Variants in NBAS observed in about 807,000 individuals in gnomAD.
NBAS encodes the protein NBAS subunit of NRZ tethering complex.
In NBAS, 219 loss-of-function variants were observed where a neutral mutation model predicts 302.5. The ratio of observed to expected loss-of-function variants is 0.72; its 90% confidence interval spans 0.65 to 0.81. NBAS has a LOEUF of 0.81. Among genes scored for constraint, NBAS ranks in the 30% least tolerant of loss-of-function variants. The probability of loss-of-function intolerance (pLI) is 0.00; values close to 1 mark genes in which losing one functional copy is unlikely to be tolerated. For synonymous variants in NBAS, 1,118 were observed against 1,021.6 expected (o/e 1.09, Z -1.80); for missense variants, 2,932 against 2,841.6 (o/e 1.03, Z -0.72).
chr2:14,826,707 T>C, the NBAS span, among the ~76,000 whole-genome samples: 2 of 152,196 alleles, frequency 1.3e-5, no homozygotes, highest in East Asian at 3.9e-4. Flanking sequence ...CACATCATGC[T>C]CCTGTAGGGC....
chr2:15,220,787 AAATCAC>A (rs1666917172), intron 47 of NBAS, among the ~76,000 whole-genome samples: 1 of 152,050 alleles, frequency 6.6e-6, no homozygotes, highest in Non-Finnish European at 1.5e-5. Context: ...TTTTAGCTAT[AAATCAC>A]CTAGGCTGAA....
At chr2:15,173,720 C>G (rs980322784) in intron 51 of NBAS, among the ~76,000 whole-genome samples, 1 of 152,144 alleles carries the variant, frequency 6.6e-6, no homozygotes, top group East Asian at 1.9e-4. Context: ...CACAACGAGA[C>G]GGAGACAATC....
the NBAS span, among the ~76,000 whole-genome samples, chr2:15,055,974 G>A: frequency 8.8e-4 from 134 of 151,978 alleles, 1 homozygote; most frequent in Non-Finnish European, 1.6e-3. Context: ...CCTTTTACTT[G>A]TATTTAATTT....
chr2:14,838,649 T>C, the NBAS span, among the ~76,000 whole-genome samples: 1 of 151,976 alleles, frequency 6.6e-6, no homozygotes, highest in African/African-American at 2.4e-5. Flanking sequence ...TGAACAGATG[T>C]TTACAGAAAT....
intron 48 of NBAS, among the ~76,000 whole-genome samples, chr2:15,215,471 A>G (rs1167030933): frequency 5.3e-5 from 8 of 152,236 alleles, no homozygotes; most frequent in Admixed American, 3.3e-4. Flanking sequence ...GTTGGCAGCC[A>G]CAGTGAAAGT....
intron 31 of NBAS, among the ~76,000 whole-genome samples, chr2:15,374,060 T>A (rs190752203): frequency 7.2e-4 from 110 of 152,340 alleles, no homozygotes; most frequent in Non-Finnish European, 1.3e-3. Context: ...TTTGGGATGA[T>A]ACCAAGTTGA....
intron 40 of NBAS, among the ~76,000 whole-genome samples, chr2:15,297,728 A>T (rs1670614247): frequency 6.6e-6 from 1 of 152,228 alleles, no homozygotes; most frequent in African/African-American, 2.4e-5. Context: ...CGAGTGAACT[A>T]ATACACTTGC....
rs374071497 is a variant in NBAS at position 15,310,778 on chromosome 2, A to G, written c.4583-1531T>C. Among the ~76,000 whole-genome samples the G allele has an allele frequency of 2.0e-5, 3 of 152,216 alleles. No individual in the cohort carries two copies. The South Asian group carries it at 6.2e-4, about 32-fold the overall frequency. ...CTCTAAACCACCAGGATGCTTCCCC[A>G]CCTGGGTGTGTCCTGCCTTCCATTT... On this transcript the variant is annotated intron_variant, in intron 38 of 51. Coordinates refer to ENST00000281513, the MANE Select transcript of NBAS (RefSeq NM_015909.4).
At chr2:14,843,100 T>G in the NBAS span, among the ~76,000 whole-genome samples, 1 of 152,158 alleles carries the variant, frequency 6.6e-6, no homozygotes, top group Non-Finnish European at 1.5e-5. Context: ...GAAAAAAGCA[T>G]TTAATAAAAT....
chr2:14,863,645 G>T, the NBAS span, among the ~76,000 whole-genome samples: 1 of 152,332 alleles, frequency 6.6e-6, no homozygotes, highest in East Asian at 1.9e-4. Flanking sequence ...ATACATGCAG[G>T]TCACAGGGGT....
chr2:15,203,925 T>TGTGA (rs1418178192), intron 48 of NBAS, among the ~76,000 whole-genome samples: 2 of 148,722 alleles, frequency 1.3e-5, no homozygotes, highest in Non-Finnish European at 3.0e-5. Flanking sequence ...TGTGTGTGTG[T>TGTGA]GAGTGGGGAG....
At chr2:15,298,466 T>C (rs982881082) in intron 40 of NBAS, among the ~76,000 whole-genome samples, 6 of 152,174 alleles carry the variant, frequency 3.9e-5, no homozygotes, top group African/African-American at 1.4e-4. Flanking sequence ...AAATTTTCCA[T>C]TTCTAAAACT....
chr2:14,799,934 C>A, the NBAS span, among the ~76,000 whole-genome samples: 19 of 152,012 alleles, frequency 1.2e-4, no homozygotes, highest in East Asian at 9.6e-4. Flanking sequence ...TGTGTTTAAC[C>A]TATTTTTGTC....
chr2:14,839,200 T>TA, the NBAS span, among the ~76,000 whole-genome samples: 44,725 of 151,326 alleles, frequency 0.3, 7,163 homozygotes, highest in East Asian at 0.4. Flanking sequence ...AAATAGAAAT[T>TA]AAAAAAAACT....
At chr2:15,051,626 G>A in the NBAS span, among the ~76,000 whole-genome samples, 9 of 152,136 alleles carry the variant, frequency 5.9e-5, no homozygotes, top group African/African-American at 2.2e-4. Flanking sequence ...ATTTTACATC[G>A]CAAACCATTC....
At chr2:14,922,365 G>A in the NBAS span, among the ~76,000 whole-genome samples, 1 of 152,186 alleles carries the variant, frequency 6.6e-6, no homozygotes, top group African/African-American at 2.4e-5. Flanking sequence ...TTGAGTACAG[G>A]TCTGTTCAGG....
At chr2:15,302,736 T>C (rs530056182) in intron 40 of NBAS, among the ~76,000 whole-genome samples, 16 of 152,290 alleles carry the variant, frequency 1.1e-4, no homozygotes, top group Admixed American at 9.2e-4. Flanking sequence ...TGTGAGGGTG[T>C]TGCCAAAGAA....
intron 50 of NBAS, among the ~76,000 whole-genome samples, chr2:15,182,645 T>C (rs1419230312): frequency 2.6e-5 from 4 of 152,216 alleles, no homozygotes; most frequent in African/African-American, 9.6e-5. Context: ...TTTACATCTA[T>C]AAATGCCAAC....
At chr2:15,315,215 G>A (rs1558527031) in intron 38 of NBAS, among the ~76,000 whole-genome samples, 2 of 152,208 alleles carry the variant, frequency 1.3e-5, no homozygotes, top group Non-Finnish European at 2.9e-5. Context: ...AAGAGGTGAA[G>A]TTTACTGATA....
Sources: gnomAD v4.1 joint callset for allele counts (sites outside exome capture counted in the v4.1 genomes callset) on GRCh38, gnomAD v4.1.1 for gene constraint, MANE v1.5 for transcripts, NCBI Gene and HGNC (gene_info 2026-07-23, HGNC 2026-07-21) for gene names.